RGPD2: variants seen among roughly 807,000 people sequenced by gnomAD.
RGPD2 encodes RANBP2 like and GRIP domain containing 2.
RGPD2 carries 2 observed loss-of-function variants against 36.0 expected under a neutral mutation model. That is an observed-to-expected ratio of 0.06 (90% CI 0.02 to 0.17). The LOEUF is 0.17. Among genes scored for constraint, RGPD2 ranks in the 10% least tolerant of loss-of-function variants. RGPD2 has a pLI of 1.00. For synonymous variants in RGPD2, 19 were observed against 163.8 expected (o/e 0.12, Z 6.75); for missense variants, 40 against 464.3 (o/e 0.09, Z 8.40).
At chr2:87,915,385 G>GTATATTATATATATTGTA in the RGPD2 span, among the ~76,000 whole-genome samples, 4 of 109,088 alleles carry the variant, frequency 3.7e-5, no homozygotes, top group Admixed American at 1.0e-4. Context: ...TATATATATT[G>GTATATTATATATATTGTA]TATATATATG....
chr2:87,756,430 CATGT>C lies in RGPD2; in HGVS notation c.*958_*961del, dbSNP rs1255421128. On this transcript the variant is annotated 3_prime_UTR_variant, in exon 23 of 23. Transcript: ENST00000398146. ...TCCCCATTCTCTTACTCTGTCTCAT[CATGT>C]ATGTAACATGTATCCATGTATCATC... is the stretch of plus-strand genomic sequence containing the variant. 5.5e-6 allele frequency: 1 copy of C among 183,448 alleles called. No homozygotes were observed. The highest frequency in any genetic ancestry group is 1.1e-5 in the Non-Finnish European group (1 of 87,046). 11.4% of individuals were successfully genotyped at this position (183,448 alleles called of 1,614,324 possible).
chr2:87,768,991 G>T (rs2104243014), intron 22 of RGPD2, among the ~76,000 whole-genome samples: 3 of 5,834 alleles, frequency 5.1e-4, no homozygotes, highest in Non-Finnish European at 7.4e-4. Context: ...TTTGAGATAA[G>T]AGTTTTGCTC....
chr2:87,834,878 GAAAA>G, the RGPD2 span, among the ~76,000 whole-genome samples: 1 of 150,528 alleles, frequency 6.6e-6, no homozygotes, highest in Non-Finnish European at 1.5e-5. Context: ...AAACAATTTT[GAAAA>G]AGAAGCCCAA....
At chr2:87,824,534 C>T (rs1663230109) in intron 1 of RGPD2, among the ~76,000 whole-genome samples, 1 of 151,868 alleles carries the variant, frequency 6.6e-6, no homozygotes, top group Non-Finnish European at 1.5e-5. Context: ...ACCTTCTATC[C>T]AAAGCACCCT....
Position 87,783,011 on chromosome 2 carries a change from T to C in RGPD2, c.4013A>G (p.Glu1338Gly). The C allele has an allele frequency of 6.2e-7, 1 of 1,608,212 alleles. No individual in the cohort carries two copies. Among genetic ancestry groups the C allele is most frequent in the Non-Finnish European group, 8.5e-7 (1 of 1,178,488 alleles). The change falls in exon 20 of 23, where the codon GAA becomes GGA. Residue 1338 changes from glutamate to glycine, a missense_variant. Coordinates refer to ENST00000398146, the MANE Select transcript of RGPD2 (RefSeq NM_001078170.3). ...TTCATTTTCCTCACCACTGGATACT[T>C]CAACTAGATCAGGTAAAGGAACAAC... The part of the protein sequence containing the change: ...EPVVPLPDLV[E>G]VSSGEENEQV...
the RGPD2 span, among the ~76,000 whole-genome samples, chr2:87,845,538 AG>A: frequency 1.6e-3 from 241 of 148,740 alleles, no homozygotes; most frequent in African/African-American, 5.4e-3. Context: ...TTGATTTGCT[AG>A]GGGGGGTTTG....
intron 22 of RGPD2, among the ~76,000 whole-genome samples, chr2:87,768,958 ATTTT>A (rs1206545550): frequency 5.7e-4 from 1 of 1,768 alleles, no homozygotes; most frequent in Non-Finnish European, 1.2e-3. Context: ...TGTAGTTTAC[ATTTT>A]TTTTTTTTTT....
chr2:87,922,385 T>G, the RGPD2 span, among the ~76,000 whole-genome samples: 1 of 150,724 alleles, frequency 6.6e-6, no homozygotes, highest in Non-Finnish European at 1.5e-5. Flanking sequence ...AAAGTTTATA[T>G]CTTGGTCAAA....
chr2:87,866,339 A>C, the RGPD2 span, among the ~76,000 whole-genome samples: 1 of 152,208 alleles, frequency 6.6e-6, no homozygotes, highest in South Asian at 2.1e-4. Context: ...ATGGACAAAT[A>C]ATTAATCATT....
chr2:87,905,780 GTTTA>G, the RGPD2 span, among the ~76,000 whole-genome samples: 2 of 115,088 alleles, frequency 1.7e-5, no homozygotes, highest in Admixed American at 9.6e-5. Context: ...ATAAAAAAGT[GTTTA>G]TTTTTCATTA....
the RGPD2 span, among the ~76,000 whole-genome samples, chr2:87,934,965 T>C: frequency 1.3e-5 from 2 of 151,532 alleles, no homozygotes; most frequent in South Asian, 4.2e-4. Flanking sequence ...TTTTGATGTA[T>C]TTTTTCTTTT....
chr2:87,842,134 C>T, the RGPD2 span, among the ~76,000 whole-genome samples: 1 of 152,174 alleles, frequency 6.6e-6, no homozygotes, highest in Non-Finnish European at 1.5e-5. Context: ...GAAGCATTCC[C>T]TTTGAAAACT....
At chr2:87,920,508 T>A in the RGPD2 span, among the ~76,000 whole-genome samples, 2 of 140,870 alleles carry the variant, frequency 1.4e-5, no homozygotes, top group African/African-American at 2.8e-5. Flanking sequence ...TTCTTTTCTG[T>A]TCCTGACTTT....
At chr2:87,832,376 T>C in the RGPD2 span, among the ~76,000 whole-genome samples, 4,955 of 149,656 alleles carry the variant, frequency 0.033, no homozygotes, top group Middle Eastern at 0.045. Flanking sequence ...AAAATACAAC[T>C]AGATGCTGTT....
the RGPD2 span, among the ~76,000 whole-genome samples, chr2:87,983,252 A>G: frequency 1.3e-5 from 2 of 152,224 alleles, no homozygotes; most frequent in African/African-American, 2.4e-5. Context: ...CTTAGGAGGC[A>G]GAGGTTGTAG....
the RGPD2 span, among the ~76,000 whole-genome samples, chr2:87,988,524 A>AATATATATAT: frequency 2.2e-3 from 94 of 42,858 alleles, 2 homozygotes; most frequent in African/African-American, 4.0e-3. Context: ...TATACATATA[A>AATATATATAT]ATATATATAT....
the RGPD2 span, among the ~76,000 whole-genome samples, chr2:87,883,026 C>T: frequency 2.6e-5 from 4 of 151,814 alleles, no homozygotes; most frequent in African/African-American, 4.8e-5. Flanking sequence ...TTGACAAATC[C>T]GAAAGACTCT....
the RGPD2 span, among the ~76,000 whole-genome samples, chr2:87,854,997 C>CGTGT: frequency 2.1e-4 from 31 of 150,824 alleles, no homozygotes; most frequent in African/African-American, 7.5e-4. Context: ...GTATGCTGTC[C>CGTGT]GTGTGTGTGT....
the RGPD2 span, among the ~76,000 whole-genome samples, chr2:87,961,354 G>A: frequency 3.1e-4 from 47 of 152,016 alleles, no homozygotes; most frequent in Non-Finnish European, 5.9e-4. Flanking sequence ...CCTTGGCGAC[G>A]TCGGCGCTCG....
Sources: gnomAD v4.1 joint callset for allele counts (sites outside exome capture counted in the v4.1 genomes callset) on GRCh38, gnomAD v4.1.1 for gene constraint, MANE v1.5 for transcripts, NCBI Gene and HGNC (gene_info 2026-07-23, HGNC 2026-07-21) for gene names.